Variants in ANO4 observed in about 807,000 individuals in gnomAD.
The protein encoded by ANO4 is anoctamin 4, also known as anoctamin-4.
A neutral mutation model predicts 141.9 loss-of-function variants in ANO4; 69 were observed. The ratio of observed to expected loss-of-function variants is 0.49; its 90% CI spans 0.40 to 0.59. The LOEUF is 0.59. Ranked by LOEUF, ANO4 falls within the 20% of genes least tolerant of loss-of-function variation. ANO4 has a pLI of 0.00. For synonymous variants in ANO4, 350 were observed against 394.3 expected, an observed-to-expected ratio of 0.89 and a Z score of 1.33; for missense variants, 894 against 1,162.2, an observed-to-expected ratio of 0.77 and a Z score of 3.36.
intron 5 of ANO4, 52 bp from the exon 6 acceptor site, chr12:100,971,254 C>A: frequency 7.4e-7 from 1 of 1,343,484 alleles, no homozygotes; most frequent in South Asian, 1.2e-5. Flanking sequence ...TCAACTTAAA[C>A]TGTGGGAGCC....
At chr12:100,787,427 G>T (rs575579617) in intron 3 of ANO4, among the ~76,000 whole-genome samples, 3 of 152,288 alleles carry the variant, frequency 2.0e-5, no homozygotes, top group African/African-American at 7.2e-5. Flanking sequence ...TGCAAGTGGG[G>T]AATGATGGCA....
chr12:101,052,246 C>T (rs1287600329), intron 14 of ANO4, among the ~76,000 whole-genome samples: 1 of 152,166 alleles, frequency 6.6e-6, no homozygotes, highest in Non-Finnish European at 1.5e-5. Context: ...GAGTGCAGGG[C>T]TCCCTCGGGA....
At chr12:100,835,437 G>T (rs1213738325) in intron 1 of ANO4, among the ~76,000 whole-genome samples, 1 of 152,104 alleles carries the variant, frequency 6.6e-6, no homozygotes, top group African/African-American at 2.4e-5. Context: ...GCCAAGAGTT[G>T]AATCTCTGCA....
intron 7 of ANO4, among the ~76,000 whole-genome samples, chr12:100,978,146 A>G (rs2044288482): frequency 6.6e-6 from 1 of 152,208 alleles, no homozygotes; most frequent in Admixed American, 6.5e-5. Context: ...CCTGGGTGGT[A>G]TTTGAAGGCA....
chr12:100,788,339 A>C (rs942520503), intron 3 of ANO4, among the ~76,000 whole-genome samples: 2 of 152,212 alleles, frequency 1.3e-5, no homozygotes, highest in Non-Finnish European at 2.9e-5. Flanking sequence ...TGACTTATTA[A>C]ATAAATGTAA....
intron 1 of ANO4, among the ~76,000 whole-genome samples, chr12:100,856,095 A>G (rs2038152651): frequency 6.6e-6 from 1 of 152,170 alleles, no homozygotes; most frequent in South Asian, 2.1e-4. Context: ...GAAAAAGTCT[A>G]CAGTGCATTT....
chr12:100,962,793 C>T (rs1020661078), intron 5 of ANO4, among the ~76,000 whole-genome samples: 15 of 152,134 alleles, frequency 9.9e-5, no homozygotes, highest in African/African-American at 3.6e-4. Context: ...TTTAAGGACT[C>T]ATCTAATGCA....
At chr12:100,795,471 G>A (rs1445622261) in intron 1 of ANO4, among the ~76,000 whole-genome samples, 1 of 152,172 alleles carries the variant, frequency 6.6e-6, no homozygotes. Context: ...GAGCACACAC[G>A]TGTGAGTTAT....
At chr12:100,817,804 A>G (rs1445322551) in intron 1 of ANO4, among the ~76,000 whole-genome samples, 1 of 151,944 alleles carries the variant, frequency 6.6e-6, no homozygotes, top group Non-Finnish European at 1.5e-5. Context: ...CATTTCTTGA[A>G]CAATTTATTT....
chr12:100,763,532 T>C (rs2032961940), intron 3 of ANO4, among the ~76,000 whole-genome samples: 1 of 152,198 alleles, frequency 6.6e-6, no homozygotes, highest in Non-Finnish European at 1.5e-5. Context: ...CTCCAGCTCC[T>C]TACACATCAT....
chr12:101,060,978 T>C lies in ANO4; in HGVS notation c.1312+12577T>C, dbSNP rs142331236. 4.9e-3 allele frequency among the ~76,000 whole-genome samples: 753 copies of C among 152,322 alleles called. 7 individuals carry two copies. The highest frequency in any genetic ancestry group is 0.017 in the African/African-American group (720 of 41,578). The stretch of plus-strand genomic sequence containing the variant: ...TGAGGTAGTTTCTTCATAGCGTCAA[T>C]AGTCTTGACAATTTGGTATGTTTTT... On this transcript the variant is annotated intron_variant, in intron 14 of 27. Coordinates refer to ENST00000392977, the MANE Select transcript of ANO4 (RefSeq NM_001286615.2).
At chr12:101,043,721 C>A in intron 13 of ANO4, 86 bp downstream of exon 13, 1 of 961,724 alleles carries the variant, frequency 1.0e-6, no homozygotes. Context: ...TCTGTCATTT[C>A]CAGTCTTTGA....
At chr12:100,940,859 G>T (rs573893536) in intron 4 of ANO4, among the ~76,000 whole-genome samples, 44 of 152,174 alleles carry the variant, frequency 2.9e-4, no homozygotes, top group African/African-American at 9.9e-4. Context: ...TTTCAATGTT[G>T]TACAGCAAGC....
chr12:100,776,234 T>A lies in ANO4; in HGVS notation c.358+36129T>A, dbSNP rs548179363. 1.1e-3 allele frequency among the ~76,000 whole-genome samples: 175 copies of A among 152,312 alleles called. 1 individual carries two copies. The highest frequency in any genetic ancestry group is 1.0e-2 in the South Asian group (48 of 4,822). On this transcript the variant is annotated intron_variant, in intron 3 of 29. Transcript: ENST00000644049. Reference sequence around the variant, plus strand: ...CAGGCCAGGCAGTCTGGCTTCACGCTTGCTCTGGGCTTGTCCTATGTCCTG... The same window carrying A: ...CAGGCCAGGCAGTCTGGCTTCACGCATGCTCTGGGCTTGTCCTATGTCCTG...
intron 3 of ANO4, among the ~76,000 whole-genome samples, chr12:100,750,696 A>G (rs1206675757): frequency 1.3e-5 from 2 of 152,174 alleles, no homozygotes; most frequent in African/African-American, 4.8e-5. Context: ...ACCAGTTATA[A>G]GTGGGAAGTC....
chr12:100,962,097 A>G (rs1024673767), intron 5 of ANO4, among the ~76,000 whole-genome samples: 1 of 152,228 alleles, frequency 6.6e-6, no homozygotes, highest in East Asian at 1.9e-4. Flanking sequence ...AACATCTCCT[A>G]ATTGTGGCCT....
intron 5 of ANO4, among the ~76,000 whole-genome samples, chr12:100,970,702 CTTCCTTCCTTCCTTCCTTCCTTCCTTCT>C (rs2043890733): frequency 7.4e-6 from 1 of 135,126 alleles, no homozygotes; most frequent in Non-Finnish European, 1.6e-5. Context: ...TCCTTCCTTC[CTTCCTTCCTTCCTTCCTTCCTTCCTTCT>C]TTCTTTCGAC....
intron 9 of ANO4, among the ~76,000 whole-genome samples, chr12:101,035,017 C>T (rs1409787559): frequency 6.6e-6 from 1 of 152,118 alleles, no homozygotes; most frequent in African/African-American, 2.4e-5. Context: ...TGTTCATCTA[C>T]TATATGATCT....
At chr12:100,741,286 A>T (rs992818640) in intron 3 of ANO4, among the ~76,000 whole-genome samples, 1 of 152,208 alleles carries the variant, frequency 6.6e-6, no homozygotes, top group African/African-American at 2.4e-5. Flanking sequence ...ACGACACTCA[A>T]CAATTTATAG....
Sources: gnomAD v4.1 joint callset for allele counts (sites outside exome capture counted in the v4.1 genomes callset) on GRCh38, gnomAD v4.1.1 for gene constraint, MANE v1.5 for transcripts, NCBI Gene and HGNC (gene_info 2026-07-23, HGNC 2026-07-21) for gene names.